ATP8A1: variants seen among roughly 807,000 people sequenced by gnomAD.
The protein encoded by ATP8A1 is ATPase phospholipid transporting 8A1.
ATP8A1 carries 90 observed loss-of-function variants against 177.7 expected under a neutral mutation model. The ratio of observed to expected loss-of-function variants is 0.51; its 90% confidence interval spans 0.43 to 0.60. ATP8A1 has a LOEUF of 0.60. ATP8A1 is among the 20% of genes least tolerant of loss of function. ATP8A1 has a pLI of 0.00. For missense variants in ATP8A1, 1,072 were observed against 1,392.8 expected, an observed-to-expected ratio of 0.77 and a Z score of 3.67; for synonymous variants, 493 against 485.9, an observed-to-expected ratio of 1.01 and a Z score of -0.19.
intron 5 of ATP8A1, among the ~76,000 whole-genome samples, chr4:42,605,819 T>C (rs577792279): frequency 6.6e-6 from 1 of 152,342 alleles, no homozygotes; most frequent in Non-Finnish European, 1.5e-5. Context: ...TAGAAAAATG[T>C]GGCATACTGC....
chr4:42,588,218 T>C (rs1443084505), intron 8 of ATP8A1, 42 bp downstream of exon 8: 1 of 1,490,896 alleles, frequency 6.7e-7, no homozygotes, highest in Non-Finnish European at 9.3e-7. Context: ...TTCCATGTAA[T>C]AAAATAGCAG....
chr4:42,540,255 C>T (rs1728250433), intron 20 of ATP8A1, among the ~76,000 whole-genome samples: 1 of 152,026 alleles, frequency 6.6e-6, no homozygotes, highest in Non-Finnish European at 1.5e-5. Flanking sequence ...GTCAGAATGG[C>T]TATTATCAAA....
Position 42,625,604 on chromosome 4 carries a change from G to T in ATP8A1, c.264+10C>A, listed in dbSNP as rs764875327. 77 of 1,561,268 alleles carry T rather than the reference G, an allele frequency of 4.9e-5. No homozygotes were observed. The highest frequency in any genetic ancestry group is 1.8e-4 in the Admixed American group (10 of 56,780). ...TGAACATTTGACAAGGTTTTATGAC[G>T]TGACTTTACCTGCAGCAGTGCAATA... is the stretch of plus-strand genomic sequence containing the variant. On this transcript the variant is annotated intron_variant, in intron 3 of 36. Transcript: ENST00000381668.
intron 5 of ATP8A1, among the ~76,000 whole-genome samples, chr4:42,610,001 T>G (rs1400513136): frequency 2.0e-5 from 3 of 152,098 alleles, no homozygotes; most frequent in Non-Finnish European, 4.4e-5. Flanking sequence ...AGAGTACATC[T>G]CATGTCTTCC....
intron 25 of ATP8A1, chr4:42,472,170 A>G (rs1186554972): frequency 1.5e-5 from 9 of 615,730 alleles, no homozygotes; most frequent in Non-Finnish European, 1.9e-5. Flanking sequence ...TAGGAGCTGT[A>G]TATGACACAA....
intron 14 of ATP8A1, among the ~76,000 whole-genome samples, chr4:42,571,054 C>T (rs964932245): frequency 6.6e-6 from 1 of 152,166 alleles, no homozygotes; most frequent in Non-Finnish European, 1.5e-5. Context: ...CATACATCAA[C>T]ACTTGAGATA....
In ATP8A1 at chr4:42,409,812, T is replaced by C. The variant is rs918200461; in HGVS notation, c.*3104A>G. 6.6e-6 allele frequency: 1 copy of C among 152,168 alleles called. No homozygotes were observed. Among genetic ancestry groups the C allele is most frequent in the African/African-American group, 2.4e-5 (1 of 41,446 alleles). 9.4% of individuals were successfully genotyped at this position (152,168 alleles called of 1,614,324 possible). On this transcript the variant is annotated 3_prime_UTR_variant, in exon 37 of 37. Transcript: ENST00000381668. ...AACAAATTATCATGTGACTTTCACA[T>C]TGGATATTTAGAATGCTGAACGGCA...
At chr4:42,452,102 T>C in intron 29 of ATP8A1, 43 bp from the exon 30 acceptor site, 7 of 1,395,886 alleles carry the variant, frequency 5.0e-6, no homozygotes, top group African/African-American at 1.4e-5. Flanking sequence ...TGCGATAAAC[T>C]AGCTCTGTGA....
chr4:42,536,523 AAAG>A (rs1727841380), intron 20 of ATP8A1, among the ~76,000 whole-genome samples: 1 of 152,226 alleles, frequency 6.6e-6, no homozygotes, highest in Admixed American at 6.5e-5. Flanking sequence ...TCACACATTC[AAAG>A]AAGAACTGGT....
intron 29 of ATP8A1, among the ~76,000 whole-genome samples, chr4:42,455,070 G>A (rs1411232003): frequency 6.6e-6 from 1 of 152,034 alleles, no homozygotes; most frequent in African/African-American, 2.4e-5. Context: ...AGTGAATTTG[G>A]TTACATTTTA....
chr4:42,433,362 CA>C (rs1201256436), intron 33 of ATP8A1, among the ~76,000 whole-genome samples: 1 of 152,172 alleles, frequency 6.6e-6, no homozygotes, highest in Non-Finnish European at 1.5e-5. Context: ...TACTCCATGA[CA>C]AACTAGCTCT....
intron 5 of ATP8A1, among the ~76,000 whole-genome samples, chr4:42,607,266 T>C (rs1285905374): frequency 6.6e-6 from 1 of 152,226 alleles, no homozygotes; most frequent in African/African-American, 2.4e-5. Flanking sequence ...AACTTGAGGC[T>C]AGTGTCTTCT....
At chr4:42,634,964 C>T (rs916095180) in intron 1 of ATP8A1, among the ~76,000 whole-genome samples, 10 of 152,132 alleles carry the variant, frequency 6.6e-5, no homozygotes, top group East Asian at 1.9e-4. Context: ...AAACAGTTCC[C>T]GTCACCCTAT....
chr4:42,597,490 C>G (rs1734832933), intron 6 of ATP8A1, among the ~76,000 whole-genome samples: 1 of 152,130 alleles, frequency 6.6e-6, no homozygotes, highest in African/African-American at 2.4e-5. Flanking sequence ...CTGCTTTAAG[C>G]TCACTGCTTG....
At position 42,455,604 on chromosome 4, in the gene ATP8A1, G is replaced by GA. The variant is rs748767114; in HGVS notation, c.2620-6dup. ...ATTAACAAAGGCAAACCAGATCTAG[G>GA]AAAAAAAACCCAAAACCCCCAAATT... On this transcript the variant is annotated splice_polypyrimidine_tract_variant and splice_region_variant and intron_variant, in intron 27 of 36. Transcript: ENST00000381668. The GA allele has an allele frequency of 7.1e-5, 114 of 1,609,040 alleles. No individual in the cohort carries two copies. Among genetic ancestry groups the GA allele is most frequent in the Non-Finnish European group, 8.7e-5 (102 of 1,178,606 alleles).
chr4:42,588,549 AT>A (rs1733853120), intron 7 of ATP8A1: 1 of 450,526 alleles, frequency 2.2e-6, no homozygotes, highest in Admixed American at 3.9e-5. Flanking sequence ...CCCAAAAGCA[AT>A]TTCCTGACAA....
In ATP8A1 at chr4:42,454,198, T is replaced by C. The variant is rs537948226; in HGVS notation, c.2817+1099A>G. Among the ~76,000 whole-genome samples, 21 of 152,340 alleles carry C rather than the reference T, an allele frequency of 1.4e-4. No homozygotes were observed. In the South Asian group the frequency reaches 3.9e-3, roughly 29 times the overall value. ...CAGCTGGATACATAGGCACGCTGTG[T>C]TCGTGAAGATCACGTCTCAGAAGAA... is the stretch of plus-strand genomic sequence containing the variant. On this transcript the variant is annotated intron_variant, in intron 29 of 36. Coordinates refer to ENST00000381668, the MANE Select transcript of ATP8A1 (RefSeq NM_006095.2).
chr4:42,468,709 G>C (rs2153184399), intron 25 of ATP8A1, among the ~76,000 whole-genome samples: 1 of 152,264 alleles, frequency 6.6e-6, no homozygotes, highest in African/African-American at 2.4e-5. Flanking sequence ...ATTGGGTACA[G>C]TGTATACTGC....
intron 32 of ATP8A1, among the ~76,000 whole-genome samples, 157 bp downstream of exon 32, chr4:42,444,421 C>G (rs1359474803): frequency 1.3e-5 from 2 of 152,184 alleles, no homozygotes; most frequent in Admixed American, 6.5e-5. Flanking sequence ...ACCTCCAGTT[C>G]TCCTTCCCCT....
Sources: allele counts gnomAD v4.1 joint callset (sites outside exome capture counted in the v4.1 genomes callset), GRCh38; gene constraint gnomAD v4.1.1; transcripts MANE v1.5; gene names NCBI Gene and HGNC (gene_info 2026-07-23, HGNC 2026-07-21).